Variants in SLC38A8 observed in about 807,000 individuals in gnomAD.
The protein encoded by SLC38A8 is solute carrier family 38 member 8, also known as amino acid transporter SLC38A8.
SLC38A8 carries 65 observed loss-of-function variants against 46.0 expected under a neutral mutation model. The observed-to-expected ratio is 1.41, with a 90% CI of 1.16 to 1.74. The LOEUF (loss-of-function observed/expected upper bound fraction) is 1.74. Among genes scored for constraint, SLC38A8 ranks in the 40% most tolerant of loss-of-function variants. The probability of loss-of-function intolerance (pLI) is 0.00; values close to 1 mark genes in which losing one functional copy is unlikely to be tolerated. For missense variants in SLC38A8, 998 were observed against 567.9 expected (o/e 1.76, Z -7.70); for synonymous variants, 447 against 243.7 (o/e 1.83, Z -7.77).
Position 84,034,628 on chromosome 16 carries a change from C to T in SLC38A8, c.389-1159G>A, listed in dbSNP as rs561911532. Among the ~76,000 whole-genome samples, 4 of 152,224 alleles carry T rather than the reference C, an allele frequency of 2.6e-5. No homozygotes were observed. In the East Asian group the frequency reaches 7.7e-4, roughly 29 times the overall value. On this transcript the variant is annotated intron_variant, in intron 3 of 10. Coordinates refer to ENST00000299709, the MANE Select transcript of SLC38A8 (RefSeq NM_001080442.3). ...CTTTGTTCTCACTCAACAAGGGGAG[C>T]CATGTGAAAAAATGAATGCATGTGA...
intron 8 of SLC38A8, 145 bp downstream of exon 8, chr16:84,016,994 TA>T: frequency 1.6e-6 from 2 of 1,234,772 alleles, no homozygotes; most frequent in Non-Finnish European, 2.2e-6. Flanking sequence ...GCAATCTACC[TA>T]AATCCTCTGT....
chr16:84,020,540 T>A (rs1464162841), intron 7 of SLC38A8, among the ~76,000 whole-genome samples: 1 of 152,196 alleles, frequency 6.6e-6, no homozygotes, highest in Non-Finnish European at 1.5e-5. Context: ...GCACGCATCC[T>A]GCCAAGGTTT....
At position 84,025,059 on chromosome 16, in the gene SLC38A8, G is replaced by T. The variant is rs2085145596; in HGVS notation, c.691-2170C>A. 2.0e-5 allele frequency among the ~76,000 whole-genome samples: 3 copies of T among 152,162 alleles called. No homozygotes were observed. The South Asian group carries it at 6.2e-4, about 32-fold the overall frequency. Reference sequence around the variant, plus strand: ...CATGTGAATTCATTTCCCTGGGTGGGTCGTGGACATTGGTGATTCACGAAC... The same window carrying T: ...CATGTGAATTCATTTCCCTGGGTGGTTCGTGGACATTGGTGATTCACGAAC... On this transcript the variant is annotated intron_variant, in intron 6 of 10. Transcript: ENST00000299709.
chr16:84,042,082 A>C lies in SLC38A8; in HGVS notation c.76T>G (p.Ser26Ala). ...ATGAGGATGAAGACAGCGCCCATCG[A>C]GGACAGAGTGGCAGCAGCCGTGGCA... ...HPATAAATLS[S>A]MGAVFILMKS... Residue 26 changes from serine (S) to alanine (A), a missense_variant, in exon 2 of 11, where the codon TCG (serine) becomes GCG (alanine). Transcript: ENST00000299709. The C allele has an allele frequency of 6.2e-7, 1 of 1,614,080 alleles. No homozygotes were observed. The highest frequency in any genetic ancestry group is 1.1e-5 in the South Asian group (1 of 91,078).
At chr16:84,030,208 C>T (rs909283277) in intron 5 of SLC38A8, among the ~76,000 whole-genome samples, 2 of 152,074 alleles carry the variant, frequency 1.3e-5, no homozygotes, top group Non-Finnish European at 2.9e-5. Flanking sequence ...CAGATCGCCG[C>T]GGCCCCCAGA....
intron 5 of SLC38A8, among the ~76,000 whole-genome samples, chr16:84,031,422 G>A (rs1210466247): frequency 1.3e-5 from 2 of 152,270 alleles, no homozygotes; most frequent in South Asian, 4.2e-4. Flanking sequence ...CTCATCCAGA[G>A]CAAAACCAAA....
chr16:84,013,553 C>T (rs1035423789), intron 9 of SLC38A8, among the ~76,000 whole-genome samples: 1 of 150,582 alleles, frequency 6.6e-6, no homozygotes, highest in East Asian at 2.0e-4. Flanking sequence ...GCCTCAGCCT[C>T]CCGAGTAGCT....
chr16:84,040,811 C>G (rs1025061664), intron 2 of SLC38A8, among the ~76,000 whole-genome samples: 2 of 152,214 alleles, frequency 1.3e-5, no homozygotes, highest in African/African-American at 4.8e-5. Context: ...GATCCACCAT[C>G]TGAAGCTGAT....
Position 84,032,176 on chromosome 16 carries a change from TGTTGTTGTTTTG to T in SLC38A8, c.531-220_531-209del, listed in dbSNP as rs757744080. On this transcript the variant is annotated intron_variant, in intron 4 of 10. Transcript: ENST00000299709. Reference sequence around the variant, plus strand: ...CAAGGGGTCAGATGTAGAGTTTTGTTGTTGTTGTTTTGTTGTTGTTGTTGTTTTTTGAGACGG... The same window carrying T: ...CAAGGGGTCAGATGTAGAGTTTTGTTTTGTTGTTGTTGTTTTTTGAGACGG... Among the ~76,000 whole-genome samples, 37,285 of 85,204 alleles carry T rather than the reference TGTTGTTGTTTTG, an allele frequency of 0.44. 5,218 individuals carry two copies. The highest frequency in any genetic ancestry group is 0.62 in the East Asian group (2,344 of 3,810). The allele number at this position is 85,204 out of a possible 152,430, so 55.9% of individuals were successfully genotyped here. A position where few individuals can be genotyped will look rare whatever the true frequency, so the allele number is the denominator to read the frequency against.
intron 5 of SLC38A8, among the ~76,000 whole-genome samples, chr16:84,031,651 G>C (rs373639575): frequency 2.0e-5 from 3 of 152,218 alleles, no homozygotes; most frequent in Non-Finnish European, 4.4e-5. Flanking sequence ...GCGTCCCTTG[G>C]CCTGTCCCGG....
At chr16:84,029,958 G>A (rs57690634) in intron 5 of SLC38A8, among the ~76,000 whole-genome samples, 1 of 152,206 alleles carries the variant, frequency 6.6e-6, no homozygotes, top group East Asian at 1.9e-4. Context: ...CCACCTAAGA[G>A]GACAGAGGTC....
chr16:84,025,156 G>T (rs1433481690), intron 6 of SLC38A8, among the ~76,000 whole-genome samples: 1 of 97,424 alleles, frequency 1.0e-5, no homozygotes, highest in Non-Finnish European at 2.5e-5. Context: ...CACCGGGCGG[G>T]GATGCTTTTT....
rs2085036005 is a variant in SLC38A8, at chr16:84,017,022, C to G, written c.953+118G>C. On this transcript the variant is annotated intron_variant, in intron 8 of 10. Coordinates refer to ENST00000299709, the MANE Select transcript of SLC38A8 (RefSeq NM_001080442.3). ...ATCCTCTGTGCCTGTTTCCTCCTGTCTACAATTGGAGAGGATGGTAGTCCC... is the reference window on the plus strand; with the variant it reads ...ATCCTCTGTGCCTGTTTCCTCCTGTGTACAATTGGAGAGGATGGTAGTCCC... The G allele has an allele frequency of 3.6e-6, 5 of 1,381,214 alleles. No homozygotes were observed. The South Asian group carries it at 5.7e-5, about 16-fold the overall frequency. 85.6% of individuals were successfully genotyped at this position (1,381,214 alleles called of 1,614,324 possible). A position where few individuals can be genotyped will look rare whatever the true frequency, so the allele number is the denominator to read the frequency against.
chr16:84,029,326 C>G (rs143996680), intron 6 of SLC38A8, among the ~76,000 whole-genome samples, 168 bp downstream of exon 6: 5 of 152,348 alleles, frequency 3.3e-5, no homozygotes, highest in Non-Finnish European at 5.9e-5. Flanking sequence ...TCCTCATGGT[C>G]TGGAATGACA....
chr16:84,023,094 C>G (rs1378016828), intron 6 of SLC38A8, among the ~76,000 whole-genome samples: 1 of 152,100 alleles, frequency 6.6e-6, no homozygotes, highest in African/African-American at 2.4e-5. Context: ...TGTTACATGC[C>G]CAAACACGCC....
intron 4 of SLC38A8, 60 bp from the exon 5 acceptor site, chr16:84,032,028 G>C (rs758261194): frequency 9.2e-6 from 13 of 1,408,364 alleles, no homozygotes; most frequent in Non-Finnish European, 1.3e-5. Context: ...TGATGCACGG[G>C]GACAGTAGTG....
intron 10 of SLC38A8, among the ~76,000 whole-genome samples, chr16:84,011,958 G>A (rs574447839): frequency 1.3e-5 from 2 of 152,270 alleles, no homozygotes; most frequent in Admixed American, 6.5e-5. Flanking sequence ...TAATGATAAA[G>A]GCAGAGACTG....
Position 84,016,669 on chromosome 16 carries a change from G to C in SLC38A8, c.1012C>G (p.Leu338Val), listed in dbSNP as rs754474678. 1.2e-6 allele frequency: 2 copies of C among 1,613,592 alleles called. No homozygotes were observed. The highest frequency in any genetic ancestry group is 1.1e-5 in the South Asian group (1 of 91,064). ...ACCCACAGCCCTGAGGGGTCGGCCA[G>C]GGCGCTGGGCCCCCATCCCCCCAAG... Reference protein sequence around the residue: ...SCLGGWGPSALADPSGLWVRM... With the variant: ...SCLGGWGPSAVADPSGLWVRM... The change falls in exon 9 of 11, where the codon CTG becomes GTG. Residue 338 changes from leucine (L) to valine (V), a missense_variant. Transcript: ENST00000299709.
At chr16:84,034,016 G>A (rs1282219836) in intron 3 of SLC38A8, among the ~76,000 whole-genome samples, 1 of 152,204 alleles carries the variant, frequency 6.6e-6, no homozygotes. Context: ...CCTCCATATA[G>A]AATTGGCTGA....
Sources: allele counts gnomAD v4.1 joint callset (sites outside exome capture counted in the v4.1 genomes callset), GRCh38; gene constraint gnomAD v4.1.1; transcripts MANE v1.5; gene names NCBI Gene and HGNC (gene_info 2026-07-23, HGNC 2026-07-21).